Variants in LHFPL6 observed in about 807,000 individuals in gnomAD.
LHFPL6 encodes LHFPL tetraspan subfamily member 6.
A neutral mutation model predicts 20.6 loss-of-function variants in LHFPL6; 9 were observed. That is an observed-to-expected ratio of 0.44 (90% confidence interval 0.26 to 0.76). LHFPL6 has a LOEUF of 0.76. LHFPL6 is among the 30% of genes least tolerant of loss of function. The pLI, the probability that LHFPL6 is intolerant of heterozygous loss-of-function variation, is 0.20. For synonymous variants in LHFPL6, 105 were observed against 98.7 expected (o/e 1.06, Z -0.38); for missense variants, 218 against 253.5 (o/e 0.86, Z 0.95).
intron 2 of LHFPL6, among the ~76,000 whole-genome samples, chr13:39,540,571 T>C (rs1457810303): frequency 6.6e-6 from 1 of 152,180 alleles, no homozygotes; most frequent in African/African-American, 2.4e-5. Flanking sequence ...TCTGATGGAA[T>C]ATTAGGAATA....
chr13:39,443,865 A>T (rs902795006), intron 2 of LHFPL6, among the ~76,000 whole-genome samples: 3 of 151,332 alleles, frequency 2.0e-5, no homozygotes, highest in Non-Finnish European at 2.9e-5. Flanking sequence ...TCCATACTAG[A>T]TTATACAATA....
intron 2 of LHFPL6, among the ~76,000 whole-genome samples, chr13:39,486,883 T>G (rs1285717590): frequency 6.6e-6 from 1 of 152,228 alleles, no homozygotes; most frequent in Admixed American, 6.5e-5. Context: ...GAAAAATTAC[T>G]AAAAATCATT....
chr13:39,407,339 T>C (rs76897458), intron 2 of LHFPL6, among the ~76,000 whole-genome samples: 2,352 of 152,252 alleles, frequency 0.015, 32 homozygotes, highest in Middle Eastern at 0.031. Flanking sequence ...CCCTTCTGAG[T>C]ACCCCCACCT....
intron 2 of LHFPL6, among the ~76,000 whole-genome samples, chr13:39,559,479 A>T (rs1871405288): frequency 6.6e-6 from 1 of 152,224 alleles, no homozygotes; most frequent in Non-Finnish European, 1.5e-5. Context: ...GACACTGCAG[A>T]TCCCCAGAGT....
chr13:39,591,375 A>G (rs1031621866), intron 2 of LHFPL6, among the ~76,000 whole-genome samples: 1 of 152,108 alleles, frequency 6.6e-6, no homozygotes, highest in Non-Finnish European at 1.5e-5. Context: ...CATGGAAAAT[A>G]TTTCATTCTT....
At chr13:39,536,511 G>A (rs571907873) in intron 2 of LHFPL6, among the ~76,000 whole-genome samples, 5 of 152,060 alleles carry the variant, frequency 3.3e-5, no homozygotes, top group African/African-American at 4.8e-5. Context: ...CTCTCCTAAC[G>A]CGCAGCTCCT....
chr13:39,579,002 G>GT (rs1184841366), intron 2 of LHFPL6, among the ~76,000 whole-genome samples: 14 of 152,322 alleles, frequency 9.2e-5, no homozygotes, highest in African/African-American at 2.9e-4. Flanking sequence ...AACCTCTCGT[G>GT]TAACTAGTGC....
chr13:39,526,675 C>A (rs937476978), intron 2 of LHFPL6, among the ~76,000 whole-genome samples: 2 of 152,192 alleles, frequency 1.3e-5, no homozygotes, highest in African/African-American at 4.8e-5. Flanking sequence ...ACTAGAACAG[C>A]ATCTCCTGAA....
At chr13:39,467,600 G>A (rs1872837165) in intron 2 of LHFPL6, among the ~76,000 whole-genome samples, 1 of 152,110 alleles carries the variant, frequency 6.6e-6, no homozygotes, top group African/African-American at 2.4e-5. Context: ...ATCCACCAAT[G>A]AGAAATGCAA....
At chr13:39,565,284 A>G (rs1465535859) in intron 2 of LHFPL6, among the ~76,000 whole-genome samples, 1 of 152,118 alleles carries the variant, frequency 6.6e-6, no homozygotes, top group Non-Finnish European at 1.5e-5. Flanking sequence ...AAAATCCAGT[A>G]CAGTTCAAAG....
chr13:39,492,340 T>C (rs371493583), intron 2 of LHFPL6, among the ~76,000 whole-genome samples: 1 of 152,210 alleles, frequency 6.6e-6, no homozygotes, highest in Non-Finnish European at 1.5e-5. Context: ...GTAAAATAGG[T>C]AATGTTATTT....
chr13:39,398,783 T>C (rs1451617478), intron 2 of LHFPL6, among the ~76,000 whole-genome samples: 1 of 152,198 alleles, frequency 6.6e-6, no homozygotes, highest in African/African-American at 2.4e-5. Context: ...AACAGTGGCA[T>C]TAGATTCTCA....
chr13:39,577,938 T>A (rs1193596699), intron 2 of LHFPL6, among the ~76,000 whole-genome samples: 1 of 152,070 alleles, frequency 6.6e-6, no homozygotes, highest in Non-Finnish European at 1.5e-5. Flanking sequence ...TGTAATCCCA[T>A]GAGCCCAGCC....
intron 2 of LHFPL6, among the ~76,000 whole-genome samples, chr13:39,417,840 G>T (rs924453080): frequency 2.0e-5 from 3 of 152,166 alleles, no homozygotes; most frequent in Admixed American, 1.3e-4. Flanking sequence ...TGGGCCCTGT[G>T]TCTGAGTATG....
At chr13:39,506,837 T>C in intron 2 of LHFPL6, among the ~76,000 whole-genome samples, 1 of 152,034 alleles carries the variant, frequency 6.6e-6, no homozygotes, top group East Asian at 1.9e-4. Flanking sequence ...GAAAAGGAGG[T>C]GAAGATAAGC....
intron 2 of LHFPL6, among the ~76,000 whole-genome samples, chr13:39,445,103 A>G (rs1872250403): frequency 6.6e-6 from 1 of 152,204 alleles, no homozygotes; most frequent in Non-Finnish European, 1.5e-5. Context: ...TGATGCTTTC[A>G]GCCTTATTAC....
rs537010755 is a variant in LHFPL6 at position 39,475,940 on chromosome 13, A to G, written c.386-97414T>C. Among the ~76,000 whole-genome samples, 26 of 152,264 alleles carry G rather than the reference A, an allele frequency of 1.7e-4. No individual in the cohort carries two copies. In the East Asian group the frequency reaches 4.2e-3, roughly 25 times the overall value. Reference sequence around the variant, plus strand: ...CAAGAAGATCATCCAACCCAAGGAAAGAGCTCCACAATGAAGGGAATAAAA... The same window carrying G: ...CAAGAAGATCATCCAACCCAAGGAAGGAGCTCCACAATGAAGGGAATAAAA... On this transcript the variant is annotated intron_variant, in intron 2 of 3. Transcript: ENST00000379589.
intron 3 of LHFPL6, among the ~76,000 whole-genome samples, chr13:39,354,518 C>T (rs932506747): frequency 2.6e-5 from 4 of 152,144 alleles, no homozygotes; most frequent in African/African-American, 9.7e-5. Context: ...TACTAGCTCT[C>T]CGGAAATGGT....
Position 39,360,554 on chromosome 13 carries a change from T to C in LHFPL6, c.485-16500A>G, listed in dbSNP as rs564373586. On this transcript the variant is annotated intron_variant, in intron 3 of 3. Transcript: ENST00000379589. ...CAGAACAGTGCTATGTCTAAGGAGA[T>C]ATGTTAGGGGTGAATTTTGATGGGA... is the stretch of plus-strand genomic sequence containing the variant. Among the ~76,000 whole-genome samples, 8 of 96,664 alleles carry C rather than the reference T, an allele frequency of 8.3e-5. 2 individuals are homozygous for C. Among genetic ancestry groups the C allele is most frequent in the African/African-American group, 2.4e-4 (8 of 33,082 alleles). 63.4% of individuals were successfully genotyped at this position (96,664 alleles called of 152,430 possible). A position where few individuals can be genotyped will look rare whatever the true frequency, so the allele number is the denominator to read the frequency against.
Sources: allele counts gnomAD v4.1 joint callset (sites outside exome capture counted in the v4.1 genomes callset), GRCh38; gene constraint gnomAD v4.1.1; transcripts MANE v1.5; gene names NCBI Gene and HGNC (gene_info 2026-07-23, HGNC 2026-07-21).